The following CLDN10 variants were observed in gnomAD, a reference collection of about 807,000 sequenced individuals.
CLDN10 encodes the protein claudin-10.
CLDN10 carries 15 observed loss-of-function variants against 22.9 expected under a neutral mutation model. That is an observed-to-expected ratio of 0.65 (90% CI 0.44 to 1.01). The LOEUF (loss-of-function observed/expected upper bound fraction) is 1.01, where lower values mean the gene tolerates loss of function less well. Among genes scored for constraint, CLDN10 ranks in the 50% least tolerant of loss-of-function variants. CLDN10 has a pLI of 0.00. For synonymous variants in CLDN10, 114 were observed against 111.4 expected (o/e 1.02, Z -0.15); for missense variants, 247 against 287.8 (o/e 0.86, Z 1.03).
At chr13:95,463,715 G>A (rs552843355) in intron 1 of CLDN10, among the ~76,000 whole-genome samples, 15 of 152,162 alleles carry the variant, frequency 9.9e-5, no homozygotes, top group Non-Finnish European at 2.1e-4. Context: ...AGTCAGAACT[G>A]AAGGAAGTTC....
At chr13:95,507,579 G>A (rs993275171) in intron 1 of CLDN10, among the ~76,000 whole-genome samples, 1 of 151,730 alleles carries the variant, frequency 6.6e-6, no homozygotes. Context: ...TTAAGCCCAG[G>A]AGTTCAAGAC....
chr13:95,540,953 C>T (rs2043454175), intron 1 of CLDN10, among the ~76,000 whole-genome samples: 1 of 152,246 alleles, frequency 6.6e-6, no homozygotes, highest in Non-Finnish European at 1.5e-5. Flanking sequence ...TTCACAACTA[C>T]TGGCTTAGGA....
chr13:95,491,659 T>C (rs1385937345), intron 1 of CLDN10, among the ~76,000 whole-genome samples: 4 of 152,172 alleles, frequency 2.6e-5, no homozygotes, highest in African/African-American at 9.6e-5. Flanking sequence ...TGAATTCTTT[T>C]TCAGGTAAAT....
At chr13:95,545,127 A>G (rs773284895) in intron 1 of CLDN10, among the ~76,000 whole-genome samples, 4 of 152,128 alleles carry the variant, frequency 2.6e-5, no homozygotes, top group Non-Finnish European at 4.4e-5. Flanking sequence ...ATTTTTCTTC[A>G]GCATCAAACT....
intron 1 of CLDN10, among the ~76,000 whole-genome samples, chr13:95,533,249 G>T (rs1172978754): frequency 6.6e-6 from 1 of 151,140 alleles, no homozygotes; most frequent in South Asian, 2.1e-4. Flanking sequence ...GGGAGGGAGA[G>T]GGGGAAGAAG....
At chr13:95,517,558 G>T (rs1055030869) in intron 1 of CLDN10, among the ~76,000 whole-genome samples, 4 of 152,036 alleles carry the variant, frequency 2.6e-5, no homozygotes, top group African/African-American at 9.7e-5. Flanking sequence ...TGTCAATGAT[G>T]ATTGTATCTT....
In CLDN10 at chr13:95,555,173, C is replaced by T. The variant is rs1315997416; in HGVS notation, c.220+2200C>T. On this transcript the variant is annotated intron_variant, in intron 1 of 4. Transcript: ENST00000299339. ...ACAAGTGATTCTCCTGTCTCAGCCTCCCAAGTAGCTGGGATTACAGGCATG... is the reference window on the plus strand; with the variant it reads ...ACAAGTGATTCTCCTGTCTCAGCCTTCCAAGTAGCTGGGATTACAGGCATG... Among the ~76,000 whole-genome samples the T allele has an allele frequency of 3.3e-5, 5 of 151,916 alleles. No homozygotes were observed. In the East Asian group the frequency reaches 9.7e-4, roughly 29 times the overall value.
chr13:95,560,679 A>C (rs545889393), intron 3 of CLDN10: 7 of 546,862 alleles, frequency 1.3e-5, no homozygotes, highest in Non-Finnish European at 2.0e-5. Flanking sequence ...TTGTCTCGAA[A>C]CAGTTCAAGG....
At chr13:95,490,458 G>A (rs1487854861) in intron 1 of CLDN10, among the ~76,000 whole-genome samples, 1 of 152,048 alleles carries the variant, frequency 6.6e-6, no homozygotes, top group East Asian at 1.9e-4. Flanking sequence ...GGTTTTGATA[G>A]GCTGTGTCAT....
At chr13:95,482,230 A>G (rs2042756097) in intron 1 of CLDN10, among the ~76,000 whole-genome samples, 1 of 152,216 alleles carries the variant, frequency 6.6e-6, no homozygotes, top group African/African-American at 2.4e-5. Flanking sequence ...AACAATTACA[A>G]ATTTAAAAAT....
At chr13:95,570,957 T>C (rs368674059) in intron 3 of CLDN10, among the ~76,000 whole-genome samples, 15 of 150,348 alleles carry the variant, frequency 1.0e-4, no homozygotes, top group African/African-American at 3.7e-4. Context: ...TGAATTTACC[T>C]TTGGACAATT....
chr13:95,563,753 A>G lies in CLDN10; in HGVS notation c.464+3290A>G, dbSNP rs1207099203. 3.3e-5 allele frequency among the ~76,000 whole-genome samples: 5 copies of G among 152,358 alleles called. No individual in the cohort carries two copies. The East Asian group carries it at 9.6e-4, about 29-fold the overall frequency. On this transcript the variant is annotated intron_variant, in intron 3 of 4. Coordinates refer to ENST00000299339, the MANE Select transcript of CLDN10 (RefSeq NM_006984.5). The stretch of plus-strand genomic sequence containing the variant: ...GGGGCATAAAAATGACATGACACCC[A>G]CAAGAACTCAGACCTCATTTAAACA...
At chr13:95,439,328 G>A (rs2042302410) in intron 1 of CLDN10, among the ~76,000 whole-genome samples, 1 of 150,502 alleles carries the variant, frequency 6.6e-6, no homozygotes, top group South Asian at 2.1e-4. Flanking sequence ...AGCTCTCTGA[G>A]GCCTCTTTTT....
rs533958761 is a variant in CLDN10 at position 95,567,894 on chromosome 13, G to A, written c.464+7431G>A. ...TTGGGATAATCATGTGGTTTTTGTC[G>A]TTGGTTCTGTTTATGTGATGGATTA... On this transcript the variant is annotated intron_variant, in intron 3 of 4. Coordinates refer to ENST00000299339, the MANE Select transcript of CLDN10 (RefSeq NM_006984.5). Among the ~76,000 whole-genome samples the A allele has an allele frequency of 1.2e-3, 176 of 152,196 alleles. 3 individuals carry two copies. Among genetic ancestry groups the A allele is most frequent in the Admixed American group, 1.9e-3 (29 of 15,274 alleles).
chr13:95,542,183 A>G (rs1410940655), intron 1 of CLDN10, among the ~76,000 whole-genome samples: 1 of 152,194 alleles, frequency 6.6e-6, no homozygotes, highest in Admixed American at 6.5e-5. Flanking sequence ...CCCCAAGGGG[A>G]TGGTGCTGAA....
At chr13:95,535,692 G>T (rs970953312) in intron 1 of CLDN10, among the ~76,000 whole-genome samples, 3 of 151,928 alleles carry the variant, frequency 2.0e-5, no homozygotes, top group African/African-American at 7.3e-5. Context: ...CTGATTCTGG[G>T]TCAGGGAATC....
At chr13:95,507,041 A>T (rs147710115) in intron 1 of CLDN10, among the ~76,000 whole-genome samples, 265 of 152,358 alleles carry the variant, frequency 1.7e-3, no homozygotes, top group African/African-American at 6.0e-3. Flanking sequence ...CAAAGTCTCA[A>T]CATAGTGTTA....
chr13:95,466,876 C>CTTTT lies in CLDN10; in HGVS notation c.214+32844_214+32847dup, dbSNP rs1312550565. Among the ~76,000 whole-genome samples, 5 of 136,874 alleles carry CTTTT rather than the reference C, an allele frequency of 3.7e-5. 1 individual carries two copies. Among genetic ancestry groups the CTTTT allele is most frequent in the Non-Finnish European group, 6.3e-5 (4 of 63,308 alleles). The allele number at this position is 136,874 out of a possible 152,430, so 89.8% of individuals were successfully genotyped here. On this transcript the variant is annotated intron_variant, in intron 1 of 4. Transcript: ENST00000376873. ...TTTTGTTTCCTCTATACCCCCTCTA[C>CTTTT]TTTTTTTTTTTTTTTTTTGAGACAG...
At chr13:95,464,211 T>C (rs1052751747) in intron 1 of CLDN10, among the ~76,000 whole-genome samples, 2 of 152,024 alleles carry the variant, frequency 1.3e-5, no homozygotes, top group Non-Finnish European at 1.5e-5. Context: ...CATTAACTCG[T>C]CATTTACATT....
Sources: gnomAD v4.1 joint callset for allele counts (sites outside exome capture counted in the v4.1 genomes callset) on GRCh38, gnomAD v4.1.1 for gene constraint, MANE v1.5 for transcripts, NCBI Gene and HGNC (gene_info 2026-07-23, HGNC 2026-07-21) for gene names.